SCN1A: variants seen among roughly 807,000 people sequenced by gnomAD.
SCN1A encodes the protein sodium voltage-gated channel alpha subunit 1.
Under a neutral mutation model 193.7 loss-of-function variants are expected in SCN1A, and 13 were observed. That is an observed-to-expected ratio of 0.07 (90% CI 0.04 to 0.11). SCN1A has a LOEUF of 0.11. SCN1A is among the 10% of genes least tolerant of loss of function. SCN1A has a pLI of 1.00. For synonymous variants in SCN1A, 781 were observed against 843.6 expected (o/e 0.93, Z 1.29); for missense variants, 1,432 against 2,451.1 (o/e 0.58, Z 8.78).
chr2:166,135,238 A>G (rs929163368), intron 1 of SCN1A, among the ~76,000 whole-genome samples: 1 of 152,158 alleles, frequency 6.6e-6, no homozygotes, highest in African/African-American at 2.4e-5. Flanking sequence ...TCACTTGCCT[A>G]CCTATTGAAG....
intron 2 of SCN1A, among the ~76,000 whole-genome samples, chr2:166,079,528 A>C (rs1229597119): frequency 6.7e-6 from 1 of 150,146 alleles, no homozygotes; most frequent in African/African-American, 2.4e-5. Flanking sequence ...GATATCATAT[A>C]TAGGTATATT....
At chr2:166,107,570 CTTAATA>C (rs140527526) in intron 2 of SCN1A, among the ~76,000 whole-genome samples, 3,778 of 152,102 alleles carry the variant, frequency 0.025, 154 homozygotes, top group African/African-American at 0.087. Context: ...ACATACTTTT[CTTAATA>C]TTTAGATATC....
chr2:166,026,495 C>T (rs995614979), intron 19 of SCN1A, among the ~76,000 whole-genome samples: 22 of 151,918 alleles, frequency 1.4e-4, no homozygotes, highest in Non-Finnish European at 1.9e-4. Flanking sequence ...AATTCAATAA[C>T]GGCAAAACTA....
downstream of SCN1A, chr2:165,985,334 A>C (rs974517612): frequency 6.6e-6 from 1 of 150,742 alleles, no homozygotes; most frequent in East Asian, 2.0e-4. Flanking sequence ...AGGGAAAGGT[A>C]GGAGGGGGAG....
intron 2 of SCN1A, among the ~76,000 whole-genome samples, chr2:166,119,793 T>G (rs1690330260): frequency 6.6e-6 from 1 of 152,120 alleles, no homozygotes. Context: ...CATTCAATTG[T>G]TTCATCAATA....
At position 165,991,623 on chromosome 2, in the gene SCN1A, A is replaced by C. The variant is rs552999895; in HGVS notation, c.5652T>G (p.Ala1884=). ...RVLGESGEMD[A]LRIQMEERFM... is the part of the protein sequence containing the mutation. ...ATCGCTCTTCCATCTGTATTCGTAGAGCATCCATCTCTCCACTCTCTCCTA... is the reference window on the plus strand; with the variant it reads ...ATCGCTCTTCCATCTGTATTCGTAGCGCATCCATCTCTCCACTCTCTCCTA... The change falls in exon 29 of 29, where the codon GCT becomes GCG. Residue 1884 remains alanine, a synonymous_variant. Transcript: ENST00000674923. 2 of 1,613,924 alleles carry C rather than the reference A, an allele frequency of 1.2e-6. No individual in the cohort carries two copies. The highest frequency in any genetic ancestry group is 1.7e-6 in the Non-Finnish European group (2 of 1,179,902).
At chr2:166,009,946 A>G in intron 22 of SCN1A, 105 bp from the exon 23 acceptor site, 2 of 1,083,322 alleles carry the variant, frequency 1.8e-6, no homozygotes, top group Non-Finnish European at 2.8e-6. Flanking sequence ...TATTCAGAGG[A>G]TAAATGTTCA....
At chr2:166,077,588 A>G (rs1685107286) in intron 3 of SCN1A, 122 bp downstream of exon 3, 1 of 152,132 alleles carries the variant, frequency 6.6e-6, no homozygotes, top group East Asian at 1.9e-4. Context: ...GAGGATATGG[A>G]GCAATAGAAG....
At chr2:166,049,075 G>A (rs1488030180) in intron 9 of SCN1A, 126 bp from the exon 10 acceptor site, 1 of 677,270 alleles carries the variant, frequency 1.5e-6, no homozygotes, top group Non-Finnish European at 2.7e-6. Context: ...TCATTCAAAG[G>A]CACAAGTATT....
chr2:166,143,021 C>T (rs575402864), intron 1 of SCN1A, among the ~76,000 whole-genome samples: 1 of 152,114 alleles, frequency 6.6e-6, no homozygotes, highest in Non-Finnish European at 1.5e-5. Flanking sequence ...ATAAATTACC[C>T]AATCTTGGGT....
chr2:166,005,097 A>G (rs1034914360), intron 23 of SCN1A, among the ~76,000 whole-genome samples: 2 of 151,274 alleles, frequency 1.3e-5, no homozygotes, highest in African/African-American at 4.8e-5. Context: ...TACCCATATT[A>G]CTCTGTACTA....
intron 2 of SCN1A, among the ~76,000 whole-genome samples, chr2:166,102,883 A>G (rs571505732): frequency 3.3e-5 from 5 of 152,324 alleles, no homozygotes; most frequent in African/African-American, 1.2e-4. Flanking sequence ...TAAGAACAAA[A>G]GCATGTCCTT....
At chr2:166,057,806 AAAC>A (rs779273184) in intron 5 of SCN1A, among the ~76,000 whole-genome samples, 4 of 152,182 alleles carry the variant, frequency 2.6e-5, no homozygotes, top group South Asian at 2.1e-4. Flanking sequence ...CAAAGCTATC[AAAC>A]AAGATACAAT....
At chr2:166,031,292 T>C (rs1695522728) in intron 19 of SCN1A, among the ~76,000 whole-genome samples, 1 of 152,044 alleles carries the variant, frequency 6.6e-6, no homozygotes, top group African/African-American at 2.4e-5. Context: ...GTTCACCACA[T>C]CTCTTCATAC....
intron 23 of SCN1A, among the ~76,000 whole-genome samples, chr2:166,006,282 ACAGTTTTT>A (rs1422098493): frequency 6.6e-6 from 1 of 151,310 alleles, no homozygotes; most frequent in Non-Finnish European, 1.5e-5. Context: ...TTTAATTAAG[ACAGTTTTT>A]TTGTAAGCTA....
intron 1 of SCN1A, among the ~76,000 whole-genome samples, chr2:166,134,638 C>G (rs186418988): frequency 5.7e-4 from 87 of 152,242 alleles, no homozygotes; most frequent in African/African-American, 2.0e-3. Context: ...GGAATGCAGG[C>G]CCAAAGACAG....
intron 2 of SCN1A, among the ~76,000 whole-genome samples, chr2:166,079,271 G>A (rs538823953): frequency 6.0e-5 from 9 of 150,814 alleles, no homozygotes; most frequent in South Asian, 2.1e-4. Flanking sequence ...ATTCCAATGC[G>A]GTATTGTTTG....
chr2:166,042,339 C>T lies in SCN1A; in HGVS notation c.2129G>A (p.Arg710Lys). The T allele has an allele frequency of 6.2e-7, 1 of 1,613,890 alleles. No homozygotes were observed. The highest frequency in any genetic ancestry group is 1.1e-5 in the South Asian group (1 of 91,072). Residue 710 changes from arginine to lysine, a missense_variant, in exon 15 of 29, where the codon AGG (arginine) becomes AAG (lysine). By Grantham distance (26) the Arg-to-Lys change is conservative. Transcript: ENST00000674923. ...GCTGGCTATACTCATTGCTCGTTGCCTTTGGGAAGGATCTTCTAGAAAGTC... is the reference window on the plus strand; with the variant it reads ...GCTGGCTATACTCATTGCTCGTTGCTTTTGGGAAGGATCTTCTAGAAAGTC... ...SMDFLEDPSQ[R>K]QRAMSIASIL...
intron 1 of SCN1A, among the ~76,000 whole-genome samples, chr2:166,143,457 C>T (rs1456603580): frequency 6.6e-6 from 1 of 152,034 alleles, no homozygotes. Flanking sequence ...TGAGCCACTG[C>T]GCCTGGCCAG....
Sources: gnomAD v4.1 joint callset for allele counts (sites outside exome capture counted in the v4.1 genomes callset) on GRCh38, gnomAD v4.1.1 for gene constraint, MANE v1.5 for transcripts, NCBI Gene and HGNC (gene_info 2026-07-23, HGNC 2026-07-21) for gene names.